CDH6: variants seen among roughly 807,000 people sequenced by gnomAD.
CDH6 encodes the protein cadherin 6.
In CDH6, 31 loss-of-function variants were observed where a neutral mutation model predicts 78.0. That is an observed-to-expected ratio of 0.40 (90% CI 0.30 to 0.54). CDH6 has a LOEUF of 0.54. CDH6 is among the 20% of genes least tolerant of loss of function. The pLI is 0.56. For synonymous variants in CDH6, 376 were observed against 368.8 expected, an observed-to-expected ratio of 1.02 and a Z score of -0.23; for missense variants, 724 against 975.9, an observed-to-expected ratio of 0.74 and a Z score of 3.44.
Position 31,326,497 on chromosome 5 carries a change from A to C in CDH6, c.*3189A>C. The C allele has an allele frequency of 5.1e-6, 1 of 195,684 alleles. No homozygotes were observed. Among genetic ancestry groups the C allele is most frequent in the Non-Finnish European group, 1.1e-5 (1 of 94,238 alleles). The allele number at this position is 195,684 out of a possible 1,614,324, so 12.1% of individuals were successfully genotyped here. ...CAAGAGAGGGAATGTGGGCACAGTA[A>C]ATAGATGTTTCTTTCAGAACTTTCC... On this transcript the variant is annotated 3_prime_UTR_variant, in exon 12 of 12. Coordinates refer to ENST00000265071, the MANE Select transcript of CDH6 (RefSeq NM_004932.4).
intron 1 of CDH6, among the ~76,000 whole-genome samples, chr5:31,242,859 TA>T (rs143490918): frequency 0.072 from 9,585 of 132,276 alleles, 522 homozygotes; most frequent in African/African-American, 0.16. Context: ...TCGCCTCTAC[TA>T]AAAAAAAAAA....
intron 2 of CDH6, among the ~76,000 whole-genome samples, chr5:31,276,399 A>C (rs1209804113): frequency 6.6e-6 from 1 of 152,192 alleles, no homozygotes. Context: ...TTCACAGAGA[A>C]TATATATGCT....
At chr5:31,297,211 A>T in intron 3 of CDH6, 78 bp from the exon 4 acceptor site, 1 of 1,237,826 alleles carries the variant, frequency 8.1e-7, no homozygotes, top group Non-Finnish European at 1.2e-6. Flanking sequence ...CAAAATTAAG[A>T]TCGTGCTGGT....
chr5:31,233,301 T>A (rs1741363841), intron 1 of CDH6, among the ~76,000 whole-genome samples: 1 of 151,382 alleles, frequency 6.6e-6, no homozygotes, highest in South Asian at 2.1e-4. Flanking sequence ...TTTAAAAACT[T>A]TACTTATCCA....
Position 31,228,043 on chromosome 5 carries a change from T to C in CDH6, c.-129+34157T>C, listed in dbSNP as rs899289060. Among the ~76,000 whole-genome samples, 4 of 152,290 alleles carry C rather than the reference T, an allele frequency of 2.6e-5. No individual in the cohort carries two copies. The South Asian group carries it at 8.3e-4, about 32-fold the overall frequency. ...CTACAGGCTCTAGAGGAGAAGCCAC[T>C]TCCTTACCATCCCCAGCTTCCAGAG... On this transcript the variant is annotated intron_variant, in intron 1 of 11. Coordinates refer to ENST00000265071, the MANE Select transcript of CDH6 (RefSeq NM_004932.4).
intron 7 of CDH6, among the ~76,000 whole-genome samples, chr5:31,312,772 A>G (rs1469926717): frequency 6.6e-6 from 1 of 152,064 alleles, no homozygotes; most frequent in East Asian, 1.9e-4. Flanking sequence ...ACTCCTTATC[A>G]CAGCCTTCTT....
chr5:31,300,975 TAGTC>T (rs751082467), intron 5 of CDH6, among the ~76,000 whole-genome samples: 3 of 151,924 alleles, frequency 2.0e-5, no homozygotes, highest in Non-Finnish European at 4.4e-5. Context: ...AAAAAGAAAT[TAGTC>T]AGGCACGATG....
At chr5:31,209,804 T>C (rs959092976) in intron 1 of CDH6, among the ~76,000 whole-genome samples, 1 of 152,212 alleles carries the variant, frequency 6.6e-6, no homozygotes, top group Non-Finnish European at 1.5e-5. Context: ...CCTCCTGCTA[T>C]CCTCAGCATC....
intron 7 of CDH6, among the ~76,000 whole-genome samples, chr5:31,310,920 C>A (rs1561070125): frequency 6.6e-6 from 1 of 152,184 alleles, no homozygotes; most frequent in Non-Finnish European, 1.5e-5. Flanking sequence ...TGCCTCTGGG[C>A]CTGTGAGGGA....
At chr5:31,264,685 A>G (rs71625900) in intron 1 of CDH6, among the ~76,000 whole-genome samples, 396 of 152,354 alleles carry the variant, frequency 2.6e-3, no homozygotes, top group Non-Finnish European at 4.5e-3. Flanking sequence ...GAGCATATTG[A>G]TCATAGTAAT....
At chr5:31,230,486 A>T (rs1453375342) in intron 1 of CDH6, among the ~76,000 whole-genome samples, 1 of 152,158 alleles carries the variant, frequency 6.6e-6, no homozygotes, top group African/African-American at 2.4e-5. Flanking sequence ...ATTAACAGAG[A>T]ATTCAGAAGC....
In CDH6 at chr5:31,294,329, C is replaced by T. The variant is rs1737518875; in HGVS notation, c.523+73C>T. 1 of 1,217,774 alleles carries T rather than the reference C, an allele frequency of 8.2e-7. No homozygotes were observed. Among genetic ancestry groups the T allele is most frequent in the Admixed American group, 2.0e-5 (1 of 50,242 alleles). 75.4% of individuals were successfully genotyped at this position (1,217,774 alleles called of 1,614,324 possible). On this transcript the variant is annotated intron_variant, in intron 3 of 11. Transcript: ENST00000265071. This position sits in a 1 kb window ranked among gnomAD's most constrained non-coding sequence, Gnocchi z 4.1. ...TCCACTGAGTAAGGAATCCCACGAG[C>T]TCAAAGTACTGAACTGCATGAATTT...
chr5:31,264,126 A>G (rs976313246), intron 1 of CDH6, among the ~76,000 whole-genome samples: 7 of 152,190 alleles, frequency 4.6e-5, no homozygotes, highest in Non-Finnish European at 1.0e-4. Context: ...AGTCCACACA[A>G]AAGAAAACAA....
chr5:31,197,811 G>A (rs140570610), intron 1 of CDH6, among the ~76,000 whole-genome samples: 1 of 152,120 alleles, frequency 6.6e-6, no homozygotes, highest in Non-Finnish European at 1.5e-5. Flanking sequence ...ACAGATGAGT[G>A]CTTGAAGCAC....
At chr5:31,314,077 T>A (rs1738234471) in intron 8 of CDH6, among the ~76,000 whole-genome samples, 1 of 152,122 alleles carries the variant, frequency 6.6e-6, no homozygotes, top group Non-Finnish European at 1.5e-5. Flanking sequence ...ATAAAATGAT[T>A]ACACACAATG....
intron 8 of CDH6, among the ~76,000 whole-genome samples, chr5:31,314,428 T>G (rs1195210081): frequency 6.6e-6 from 1 of 151,656 alleles, no homozygotes; most frequent in African/African-American, 2.4e-5. Context: ...TAGCTCACTT[T>G]GGGTATCTAG....
chr5:31,304,012 A>G (rs1339511975), intron 6 of CDH6, among the ~76,000 whole-genome samples: 1 of 152,188 alleles, frequency 6.6e-6, no homozygotes, highest in African/African-American at 2.4e-5. Context: ...ATCTAAAACT[A>G]AAAGTCAGCA....
At chr5:31,198,473 G>A (rs1182676438) in intron 1 of CDH6, among the ~76,000 whole-genome samples, 1 of 152,072 alleles carries the variant, frequency 6.6e-6, no homozygotes, top group Non-Finnish European at 1.5e-5. Context: ...AAGAAGATGA[G>A]GCACATAAAG....
At chr5:31,228,659 C>A (rs906513322) in intron 1 of CDH6, among the ~76,000 whole-genome samples, 1 of 152,162 alleles carries the variant, frequency 6.6e-6, no homozygotes, top group Non-Finnish European at 1.5e-5. Flanking sequence ...GATCATCATG[C>A]GTTAGCTACA....
Sources: gnomAD v4.1 joint callset for allele counts (sites outside exome capture counted in the v4.1 genomes callset) on GRCh38, gnomAD v4.1.1 for gene constraint, Gnocchi (gnomAD v3.1) non-coding constraint, MANE v1.5 for transcripts, NCBI Gene and HGNC (gene_info 2026-07-23, HGNC 2026-07-21) for gene names.